Variants in MEI1 observed in about 807,000 individuals in gnomAD.
MEI1 encodes the protein meiosis inhibitor protein 1.
In MEI1, 103 loss-of-function variants were observed where a neutral mutation model predicts 146.2. That is an observed-to-expected ratio of 0.70 (90% CI 0.60 to 0.83). The LOEUF (loss-of-function observed/expected upper bound fraction) is 0.83. Among genes scored for constraint, MEI1 ranks in the 40% least tolerant of loss-of-function variants. The pLI, the probability that MEI1 is intolerant of heterozygous loss-of-function variation, is 0.00. For synonymous variants in MEI1, 652 were observed against 628.2 expected (o/e 1.04, Z -0.57); for missense variants, 1,529 against 1,533.0 (o/e 1.00, Z 0.04).
At chr22:41,724,892 C>G (rs1028370015) in intron 7 of MEI1, among the ~76,000 whole-genome samples, 1 of 151,916 alleles carries the variant, frequency 6.6e-6, no homozygotes, top group Non-Finnish European at 1.5e-5. Context: ...CAGCCTCAAC[C>G]TCCTGGGCTC....
intron 3 of MEI1, among the ~76,000 whole-genome samples, chr22:41,712,854 G>A (rs2069725159): frequency 6.7e-6 from 1 of 148,872 alleles, no homozygotes; most frequent in South Asian, 2.1e-4. Flanking sequence ...TGTTGCCCAG[G>A]CTGGAGTGCA....
At chr22:41,771,157 C>T (rs2075160658) in intron 20 of MEI1, among the ~76,000 whole-genome samples, 196 bp downstream of exon 20, 1 of 152,144 alleles carries the variant, frequency 6.6e-6, no homozygotes, top group Non-Finnish European at 1.5e-5. Flanking sequence ...ATACTCTTTC[C>T]TAAGTCTAAT....
At chr22:41,705,799 G>T (rs1404256986) in intron 3 of MEI1, among the ~76,000 whole-genome samples, 1 of 147,176 alleles carries the variant, frequency 6.8e-6, no homozygotes, top group African/African-American at 2.5e-5. Flanking sequence ...CCTCTGCCTC[G>T]CGGGTTCAAG....
intron 20 of MEI1, among the ~76,000 whole-genome samples, chr22:41,774,709 A>T (rs998395994): frequency 1.6e-4 from 24 of 152,194 alleles, no homozygotes; most frequent in African/African-American, 5.8e-4. Flanking sequence ...TCATTTGAAA[A>T]ATTGGGGTGA....
intron 6 of MEI1, among the ~76,000 whole-genome samples, chr22:41,719,412 C>T (rs1016196403): frequency 1.3e-5 from 2 of 152,164 alleles, no homozygotes; most frequent in Non-Finnish European, 2.9e-5. Context: ...GTCTCGAACT[C>T]CTGATTTCAG....
At chr22:41,764,943 AT>A (rs897259619) in intron 19 of MEI1, among the ~76,000 whole-genome samples, 4 of 150,630 alleles carry the variant, frequency 2.7e-5, no homozygotes, top group East Asian at 1.9e-4. Context: ...TTCAGTCTTG[AT>A]TTTTTTTTTC....
chr22:41,795,417 C>A lies in MEI1; in HGVS notation c.3541C>A (p.Arg1181=). The A allele has an allele frequency of 6.2e-7, 1 of 1,613,522 alleles. No individual in the cohort carries two copies. Among genetic ancestry groups the A allele is most frequent in the Non-Finnish European group, 8.5e-7 (1 of 1,179,700 alleles). Reference sequence around the variant, plus strand: ...GTTTCTCTTCCTGGGCCAGTTTATGCGGTACCGGAGTAGCAGTGTCCTCTC... The same window carrying A: ...GTTTCTCTTCCTGGGCCAGTTTATGAGGTACCGGAGTAGCAGTGTCCTCTC... ...EILRLMTLFM[R]YRSSSVLSHE... is the part of the protein sequence containing the mutation. The change falls in exon 29 of 31, where the codon CGG becomes AGG. Residue 1181 remains arginine (R), a synonymous_variant. Coordinates refer to ENST00000401548, the MANE Select transcript of MEI1 (RefSeq NM_152513.4). This position sits in a 1 kb window ranked among gnomAD's most constrained non-coding sequence, Gnocchi z 4.2.
At chr22:41,728,304 G>C (rs1350308047) in intron 7 of MEI1, among the ~76,000 whole-genome samples, 5 of 152,216 alleles carry the variant, frequency 3.3e-5, no homozygotes, top group African/African-American at 7.2e-5. Context: ...ACCCAGCCAA[G>C]AGCCAGCCTT....
intron 26 of MEI1, among the ~76,000 whole-genome samples, chr22:41,788,394 A>G (rs1030643609): frequency 2.6e-4 from 40 of 151,954 alleles, no homozygotes; most frequent in African/African-American, 8.9e-4. Context: ...GCCTTCTTCA[A>G]ACCAATAGCC....
intron 2 of MEI1, among the ~76,000 whole-genome samples, 167 bp from the exon 3 acceptor site, chr22:41,705,337 A>T (rs970661927): frequency 1.3e-5 from 2 of 151,848 alleles, no homozygotes; most frequent in African/African-American, 4.8e-5. Flanking sequence ...ACTCCCGGCT[A>T]ATTTTTGTGT....
At chr22:41,726,777 T>A (rs1569189398) in intron 7 of MEI1, among the ~76,000 whole-genome samples, 1 of 151,708 alleles carries the variant, frequency 6.6e-6, no homozygotes, top group Non-Finnish European at 1.5e-5. Context: ...AAGATTAATT[T>A]CTTTTTTTTT....
chr22:41,797,736 C>T (rs989763812), intron 30 of MEI1, among the ~76,000 whole-genome samples: 3 of 151,466 alleles, frequency 2.0e-5, no homozygotes, highest in South Asian at 2.1e-4. Context: ...TTACAAAATT[C>T]GAAAAAAAAT....
chr22:41,722,762 T>C (rs2070982154), intron 6 of MEI1, among the ~76,000 whole-genome samples: 1 of 152,216 alleles, frequency 6.6e-6, no homozygotes, highest in South Asian at 2.1e-4. Context: ...GATGATTCAT[T>C]TGATTTCCTG....
intron 21 of MEI1, 160 bp from the exon 22 acceptor site, chr22:41,778,548 G>C (rs941432495): frequency 1.7e-6 from 1 of 593,768 alleles, no homozygotes. Flanking sequence ...TGTTCTAAAT[G>C]AAGAAAGAAA....
At chr22:41,793,806 A>ATTTTTTT in intron 26 of MEI1, 23 bp from the exon 27 acceptor site, 1 of 1,401,364 alleles carries the variant, frequency 7.1e-7, no homozygotes, top group Non-Finnish European at 9.6e-7. Context: ...ACCTGACCTG[A>ATTTTTTT]TTTTTTTTTT....
intron 2 of MEI1, among the ~76,000 whole-genome samples, chr22:41,704,470 G>T (rs1207877724): frequency 2.7e-5 from 4 of 149,156 alleles, no homozygotes; most frequent in African/African-American, 1.0e-4. Flanking sequence ...CCGGAGTCCA[G>T]TGGCGTGATC....
chr22:41,720,575 C>A (rs188073030), intron 6 of MEI1, among the ~76,000 whole-genome samples: 1 of 150,016 alleles, frequency 6.7e-6, no homozygotes, highest in African/African-American at 2.5e-5. Context: ...GGACCACAGC[C>A]TGCACTACTA....
chr22:41,752,261 A>G (rs750060207), intron 15 of MEI1, among the ~76,000 whole-genome samples: 1 of 152,200 alleles, frequency 6.6e-6, no homozygotes, highest in Non-Finnish European at 1.5e-5. Context: ...TCCTTGTCAA[A>G]TGTACCAAAT....
intron 11 of MEI1, among the ~76,000 whole-genome samples, chr22:41,734,882 C>T (rs1045897311): frequency 6.6e-6 from 1 of 151,934 alleles, no homozygotes; most frequent in Admixed American, 6.6e-5. Context: ...GGTGATCCAC[C>T]TGTGTCGGCT....
Sources: allele counts gnomAD v4.1 joint callset (sites outside exome capture counted in the v4.1 genomes callset), GRCh38; gene constraint gnomAD v4.1.1; non-coding constraint Gnocchi (gnomAD v3.1); transcripts MANE v1.5; gene names NCBI Gene and HGNC (gene_info 2026-07-23, HGNC 2026-07-21).